COL6A1: variants seen among roughly 807,000 people sequenced by gnomAD.
The protein encoded by COL6A1 is collagen type VI alpha 1 chain.
COL6A1 carries 80 observed loss-of-function variants against 145.6 expected under a neutral mutation model. That is an observed-to-expected ratio of 0.55 (90% CI 0.46 to 0.66). The LOEUF is 0.66. Among genes scored for constraint, COL6A1 ranks in the 30% least tolerant of loss-of-function variants. The pLI is 0.00. For missense variants in COL6A1, 1,364 were observed against 1,473.8 expected (o/e 0.93, Z 1.22); for synonymous variants, 638 against 622.8 (o/e 1.02, Z -0.36).
intron 2 of COL6A1, 125 bp downstream of exon 2, chr21:45,982,888 C>A: frequency 7.2e-7 from 1 of 1,391,230 alleles, no homozygotes; most frequent in Non-Finnish European, 1.0e-6. Flanking sequence ...GTTGCCCTGA[C>A]CGGGGCCCCT....
intron 26 of COL6A1, 52 bp from the exon 27 acceptor site, chr21:45,999,605 A>G: frequency 4.4e-6 from 7 of 1,601,838 alleles, no homozygotes; most frequent in Admixed American, 1.7e-5. Context: ...CAGCTCAGGA[A>G]GCACAGTGGG....
rs766391899 is a variant in COL6A1 at position 45,997,527 on chromosome 21, T to C, written c.1461+44T>C. On this transcript the variant is annotated intron_variant, in intron 21 of 34. Transcript: ENST00000361866. ...CCACACCCGCCCACCCAGGGGGGCC[T>C]GAGGATCCAGAACCCACTGTCTGCC... 2.0e-5 allele frequency: 29 copies of C among 1,463,408 alleles called. No individual in the cohort carries two copies. The African/African-American group carries it at 3.1e-4, about 16-fold the overall frequency. 90.7% of individuals were successfully genotyped at this position (1,463,408 alleles called of 1,614,324 possible).
rs1231929478 is a variant in COL6A1 at position 45,994,879 on chromosome 21, C to T, written c.1398+650C>T. ...GGGGACAGGAAGGCCTCCACACGGT[C>T]ACGCCCGGAGACAGCAAGTCTGTGC... On this transcript the variant is annotated intron_variant, in intron 20 of 34. Coordinates refer to ENST00000361866, the MANE Select transcript of COL6A1 (RefSeq NM_001848.3). This position sits in a 1 kb window ranked among gnomAD's most constrained non-coding sequence, Gnocchi z 6.8. Among the ~76,000 whole-genome samples the T allele has an allele frequency of 6.6e-6, 1 of 152,170 alleles. No individual in the cohort carries two copies. Among genetic ancestry groups the T allele is most frequent in the African/African-American group, 2.4e-5 (1 of 41,446 alleles).
At chr21:45,993,374 G>A (rs1434012023) in intron 19 of COL6A1, among the ~76,000 whole-genome samples, 3 of 152,210 alleles carry the variant, frequency 2.0e-5, no homozygotes, top group Non-Finnish European at 4.4e-5. Flanking sequence ...GATGTGGGGC[G>A]GGGCAGCTGG....
At chr21:45,984,572 C>A in intron 3 of COL6A1, 103 bp downstream of exon 3, 1 of 1,139,658 alleles carries the variant, frequency 8.8e-7, no homozygotes, top group Non-Finnish European at 1.3e-6. Context: ...CTGCAGCCTC[C>A]CTGTTCTCTT....
chr21:45,984,909 CAG>C (rs1183152107), intron 3 of COL6A1, among the ~76,000 whole-genome samples: 3 of 132,378 alleles, frequency 2.3e-5, no homozygotes, highest in East Asian at 2.1e-4. Flanking sequence ...GACAGAGAGA[CAG>C]AGACAGAGAC....
At chr21:45,990,928 G>C in intron 14 of COL6A1, 51 bp from the exon 15 acceptor site, 4 of 1,611,704 alleles carry the variant, frequency 2.5e-6, no homozygotes, top group East Asian at 2.2e-5. Context: ...GCTGCTGCCA[G>C]AGGCCGCGGT....
Position 46,000,372 on chromosome 21 carries a change from G to C in COL6A1, c.1813+5G>C. 6.2e-7 allele frequency: 1 copy of C among 1,613,964 alleles called. No homozygotes were observed. Among genetic ancestry groups the C allele is most frequent in the Non-Finnish European group, 8.5e-7 (1 of 1,179,890 alleles). On this transcript the variant is annotated splice_donor_5th_base_variant and intron_variant, in intron 28 of 34. Coordinates refer to ENST00000361866, the MANE Select transcript of COL6A1 (RefSeq NM_001848.3). ...ACATCATCATGAAAATGTGCTGTGAGTATCTCTGAGAAGCCGTCCTCGTTA... is the reference window on the plus strand; with the variant it reads ...ACATCATCATGAAAATGTGCTGTGACTATCTCTGAGAAGCCGTCCTCGTTA...
chr21:46,002,223 T>C lies in COL6A1; in HGVS notation c.2072T>C (p.Ile691Thr). 1 of 1,601,618 alleles carries C rather than the reference T, an allele frequency of 6.2e-7. No homozygotes were observed. The highest frequency in any genetic ancestry group is 8.5e-7 in the Non-Finnish European group (1 of 1,177,044). The change falls in exon 32 of 35, where the codon ATC becomes ACC. Residue 691 changes from isoleucine to threonine, a missense_variant. By Grantham distance (89) the Ile-to-Thr change is moderately conservative (BLOSUM62 -1). Transcript: ENST00000361866. ...IRNVQELKEA[I>T]KSLQWMAGGT... ...TCCTGCCCTTTGCTATGCAGAGCCA[T>C]CAAGAGCCTGCAGTGGATGGCGGGC...
Position 45,987,605 on chromosome 21 carries a change from T to C in COL6A1, c.760-5T>C, listed in dbSNP as rs1322851367. 6.2e-7 allele frequency: 1 copy of C among 1,612,190 alleles called. No homozygotes were observed. The highest frequency in any genetic ancestry group is 8.5e-7 in the Non-Finnish European group (1 of 1,179,870). ...TCCTGGCTGACCGTCCCCTCTGCCT[T>C]GCAGCCTGCAAGAGGACCTCCGGGG... is the stretch of plus-strand genomic sequence containing the variant. On this transcript the variant is annotated splice_region_variant and splice_polypyrimidine_tract_variant and intron_variant, in intron 7 of 34. Coordinates refer to ENST00000361866, the MANE Select transcript of COL6A1 (RefSeq NM_001848.3).
chr21:45,985,986 G>A (rs571116251), intron 3 of COL6A1, among the ~76,000 whole-genome samples: 35 of 152,342 alleles, frequency 2.3e-4, no homozygotes, highest in Admixed American at 2.0e-3. Context: ...CCTTCTGGCC[G>A]AGATGCTCAG....
At chr21:45,982,022 C>T in intron 1 of COL6A1, 75 bp downstream of exon 1, 1 of 1,208,126 alleles carries the variant, frequency 8.3e-7, no homozygotes, top group Non-Finnish European at 1.2e-6. Flanking sequence ...GCGCGGGGTC[C>T]CCTCCCACGC....
At chr21:45,999,303 G>C in intron 26 of COL6A1, 85 bp downstream of exon 26, 1 of 1,332,526 alleles carries the variant, frequency 7.5e-7, no homozygotes. Context: ...GAAGAGGCTG[G>C]GAGAGTGGGA....
chr21:45,989,781 G>C lies in COL6A1; in HGVS notation c.930+3G>C. On this transcript the variant is annotated splice_donor_region_variant and intron_variant, in intron 11 of 34. Transcript: ENST00000361866. ...AAAAAGGGAGCCGTGGGGAGAAGGT[G>C]AGTGAGGCTCGACCTCGGAGCTGGT... 6.2e-7 allele frequency: 1 copy of C among 1,612,866 alleles called. No individual in the cohort carries two copies. The highest frequency in any genetic ancestry group is 2.2e-5 in the East Asian group (1 of 44,862).
At chr21:45,992,611 TGG>T in intron 18 of COL6A1, 135 bp from the exon 19 acceptor site, 2 of 1,057,484 alleles carry the variant, frequency 1.9e-6, no homozygotes, top group Non-Finnish European at 1.4e-6. Context: ...TCTGCAACCG[TGG>T]GGCATGCGGT....
rs376999117 is a variant in COL6A1, at chr21:46,003,940, G to C, written c.3014G>C (p.Arg1005Pro). 4.3e-6 allele frequency: 7 copies of C among 1,611,864 alleles called. No homozygotes were observed. The Admixed American group carries it at 1.2e-4, about 27-fold the overall frequency. Residue 1005 changes from arginine to proline, a missense_variant, in exon 35 of 35, where the codon CGT becomes CCT. This residue lies in a region of COL6A1 where 938 missense variants were observed against 1,003.8 expected (regional missense o/e 0.93). Transcript: ENST00000361866. ...DVAYGESHLF[R>P]VPSYQALLRG... ...GCCTACGGCGAGAGCCACCTGTTCC[G>C]TGTCCCCAGCTACCAGGCCCTGCTC...
Position 46,001,958 on chromosome 21 carries a change from C to G in COL6A1, c.1957-3C>G. On this transcript the variant is annotated splice_polypyrimidine_tract_variant and splice_region_variant and intron_variant, in intron 30 of 34. Transcript: ENST00000361866. ...CGTCCTGACCCCGGTGCCGGTCCCACAGTTCGAGCCAGGGCAGTCGTACGC... is the reference window on the plus strand; with the variant it reads ...CGTCCTGACCCCGGTGCCGGTCCCAGAGTTCGAGCCAGGGCAGTCGTACGC... The G allele has an allele frequency of 6.2e-7, 1 of 1,611,848 alleles. No homozygotes were observed. The highest frequency in any genetic ancestry group is 1.1e-5 in the South Asian group (1 of 90,856).
chr21:45,986,628 C>T lies in COL6A1; in HGVS notation c.531C>T (p.Asn177=), dbSNP rs767176038. ...GTGGGGGGCTGGAGGATGCTGTGAA[C>T]GAGGCCAAGCACCTGGGCGTCAAAG... is the stretch of plus-strand genomic sequence containing the variant. ...EPCGGLEDAV[N]EAKHLGVKVF... The change falls in exon 4 of 35, where the codon AAC becomes AAT. Residue 177 remains asparagine (N), a synonymous_variant. Coordinates refer to ENST00000361866, the MANE Select transcript of COL6A1 (RefSeq NM_001848.3). The T allele has an allele frequency of 5.9e-5, 92 of 1,553,908 alleles. No homozygotes were observed. In the African/African-American group the frequency reaches 7.1e-4, roughly 12 times the overall value.
rs779909820 is a variant in COL6A1 at position 45,992,057 on chromosome 21, A to C, written c.1167A>C (p.Gly389=). The part of the protein sequence containing the change: ...DGEAGRPGSS[G]PSGDEGQPGE... ...AGGCGGGGAGACCAGGGAGCTCGGG[A>C]CCATCTGGAGACGAGGTGAGGAGCT... Residue 389 remains glycine (G), a synonymous_variant, in exon 16 of 35, where the codon GGA becomes GGC. Coordinates refer to ENST00000361866, the MANE Select transcript of COL6A1 (RefSeq NM_001848.3). 25 of 1,611,342 alleles carry C rather than the reference A, an allele frequency of 1.6e-5. No individual in the cohort carries two copies. The East Asian group carries it at 5.6e-4, about 36-fold the overall frequency.
Sources: allele counts gnomAD v4.1 joint callset (sites outside exome capture counted in the v4.1 genomes callset), GRCh38; gene constraint gnomAD v4.1.1; regional missense constraint gnomAD v4.1.1; non-coding constraint Gnocchi (gnomAD v3.1); transcripts MANE v1.5; gene names NCBI Gene and HGNC (gene_info 2026-07-23, HGNC 2026-07-21).